The following SNRPG variants were observed in gnomAD, a reference collection of about 807,000 sequenced individuals.
SNRPG encodes small nuclear ribonucleoprotein G.
A neutral mutation model predicts 13.9 loss-of-function variants in SNRPG; 3 were observed. That is an observed-to-expected ratio of 0.22 (90% CI 0.10 to 0.56). SNRPG has a LOEUF of 0.56. Ranked by LOEUF, SNRPG falls within the 20% of genes least tolerant of loss-of-function variation. SNRPG has a pLI of 0.93. For synonymous variants in SNRPG, 29 were observed against 29.3 expected, an observed-to-expected ratio of 0.99 and a Z score of 0.03; for missense variants, 34 against 96.1, an observed-to-expected ratio of 0.35 and a Z score of 2.70.
rs762516246 is a variant in SNRPG, at chr2:70,281,602, G to C, written c.*32C>G. ...TAGTAAAACAGGCCCTATGGAGAGA[G>C]GACATGGGTTTCTCTGCTGAACAGC... On this transcript the variant is annotated 3_prime_UTR_variant, in exon 4 of 4. Transcript: ENST00000272348. The C allele has an allele frequency of 5.2e-6, 7 of 1,352,346 alleles. No individual in the cohort carries two copies. In the South Asian group the frequency reaches 6.2e-5, roughly 12 times the overall value. The allele number at this position is 1,352,346 out of a possible 1,614,324, so 83.8% of individuals were successfully genotyped here.
chr2:70,282,507 A>C (rs1696817992), intron 3 of SNRPG, among the ~76,000 whole-genome samples: 1 of 152,224 alleles, frequency 6.6e-6, no homozygotes, highest in Admixed American at 6.5e-5. Flanking sequence ...GAAGTAATCT[A>C]ATTTGAATGC....
intron 3 of SNRPG, among the ~76,000 whole-genome samples, chr2:70,283,234 A>T (rs943665757): frequency 2.0e-5 from 3 of 151,994 alleles, no homozygotes; most frequent in African/African-American, 7.2e-5. Context: ...CTGGAAGGCT[A>T]GGGGACTAAA....
At chr2:70,287,687 GTTAA>G (rs1559043895) in intron 3 of SNRPG, 3 of 390,760 alleles carry the variant, frequency 7.7e-6, no homozygotes, top group Admixed American at 4.3e-5. Flanking sequence ...CAAAACCTTA[GTTAA>G]GTTCTGCCCC....
chr2:70,289,797 C>T (rs1697034687), intron 1 of SNRPG, among the ~76,000 whole-genome samples: 1 of 151,754 alleles, frequency 6.6e-6, no homozygotes, highest in Non-Finnish European at 1.5e-5. Flanking sequence ...GGCAATAGAG[C>T]GAAACTGTCT....
intron 1 of SNRPG, among the ~76,000 whole-genome samples, chr2:70,290,862 T>A (rs1363057037): frequency 5.3e-4 from 52 of 97,202 alleles, no homozygotes; most frequent in African/African-American, 2.0e-3. Context: ...AAAAAAAAAA[T>A]TAGTCGGGTG....
At chr2:70,286,432 C>T (rs1418380933) in intron 3 of SNRPG, among the ~76,000 whole-genome samples, 1 of 151,996 alleles carries the variant, frequency 6.6e-6, no homozygotes, top group Non-Finnish European at 1.5e-5. Context: ...TTTAAAATGT[C>T]TTTTATTAAA....
At chr2:70,293,471 G>A in intron 1 of SNRPG, 147 bp downstream of exon 1, 1 of 792,644 alleles carries the variant, frequency 1.3e-6, no homozygotes, top group Non-Finnish European at 2.3e-6. Context: ...CTCATGCGCG[G>A]GAGCCTGGCC....
At chr2:70,291,011 C>CG (rs1697076463) in intron 1 of SNRPG, among the ~76,000 whole-genome samples, 3 of 77,022 alleles carry the variant, frequency 3.9e-5, no homozygotes, top group African/African-American at 9.8e-5. Context: ...AACTCCATCT[C>CG]AAAACACACA....
chr2:70,290,901 C>G (rs942961143), intron 1 of SNRPG, among the ~76,000 whole-genome samples: 4 of 136,474 alleles, frequency 2.9e-5, no homozygotes, highest in Non-Finnish European at 6.1e-5. Context: ...ATCCCAGCTA[C>G]TCGGGAGGCT....
chr2:70,283,908 A>T (rs1460444397), intron 3 of SNRPG, among the ~76,000 whole-genome samples: 1 of 152,182 alleles, frequency 6.6e-6, no homozygotes, highest in Non-Finnish European at 1.5e-5. Flanking sequence ...AAATACAAAA[A>T]TTAGCTGAGG....
intron 1 of SNRPG, among the ~76,000 whole-genome samples, chr2:70,290,150 T>C (rs147278225): frequency 9.4e-4 from 143 of 152,126 alleles, no homozygotes; most frequent in African/African-American, 2.6e-3. Flanking sequence ...TCTGGTCTCA[T>C]TGACCTAATT....
chr2:70,293,539 C>G (rs906515942), intron 1 of SNRPG, 79 bp downstream of exon 1: 60 of 1,198,008 alleles, frequency 5.0e-5, no homozygotes, highest in Non-Finnish European at 6.9e-5. Context: ...TCAAGACATT[C>G]GGCTAACGGA....
chr2:70,286,270 A>G (rs981686955), intron 3 of SNRPG, among the ~76,000 whole-genome samples: 1 of 152,138 alleles, frequency 6.6e-6, no homozygotes, highest in Admixed American at 6.6e-5. Context: ...AGTAATTTCA[A>G]TGGCCTCAAT....
In SNRPG at chr2:70,290,823, TAAAAAAAAAAAAAAAAAAAAAAAA is replaced by T. The variant is rs57720967; in HGVS notation, c.33-1475_33-1452del. Among the ~76,000 whole-genome samples the T allele has an allele frequency of 1.4e-3, 35 of 25,290 alleles. 1 individual carries two copies. The East Asian group carries it at 0.049, about 35-fold the overall frequency. 16.6% of individuals were successfully genotyped at this position (25,290 alleles called of 152,430 possible). ...CAACATGGAGAAAACCCGTCTCTACTAAAAAAAAAAAAAAAAAAAAAAAAAAAAAAAAAAAAAATTAGTCGGGTG... is the reference window on the plus strand; with the variant it reads ...CAACATGGAGAAAACCCGTCTCTACTAAAAAAAAAAAAAATTAGTCGGGTG... On this transcript the variant is annotated intron_variant, in intron 1 of 3. Transcript: ENST00000272348.
intron 1 of SNRPG, among the ~76,000 whole-genome samples, chr2:70,291,757 C>A (rs1246218717): frequency 2.6e-5 from 4 of 151,740 alleles, no homozygotes; most frequent in African/African-American, 9.7e-5. Flanking sequence ...GCTTCCTTCT[C>A]TGAAATTTTC....
intron 3 of SNRPG, among the ~76,000 whole-genome samples, chr2:70,285,706 G>A (rs936304546): frequency 1.3e-5 from 2 of 152,122 alleles, no homozygotes; most frequent in African/African-American, 4.8e-5. Flanking sequence ...TGTGTTTGAG[G>A]CCTAATTCTC....
At chr2:70,292,920 C>A in intron 1 of SNRPG, 1 of 559,538 alleles carries the variant, frequency 1.8e-6, no homozygotes. Context: ...TGAGTCCTAC[C>A]TAAAGTAAGG....
intron 3 of SNRPG, chr2:70,287,777 C>T (rs1696979552): frequency 2.2e-6 from 1 of 453,096 alleles, no homozygotes; most frequent in Non-Finnish European, 4.0e-6. Context: ...TTCAGAACTA[C>T]TGCTCTAATG....
At chr2:70,292,171 C>T (rs552964922) in intron 1 of SNRPG, among the ~76,000 whole-genome samples, 3 of 152,252 alleles carry the variant, frequency 2.0e-5, no homozygotes, top group African/African-American at 7.2e-5. Context: ...TGATCTCCAT[C>T]TCCTGACCTC....
Sources: allele counts gnomAD v4.1 joint callset (sites outside exome capture counted in the v4.1 genomes callset), GRCh38; gene constraint gnomAD v4.1.1; transcripts MANE v1.5; gene names NCBI Gene and HGNC (gene_info 2026-07-23, HGNC 2026-07-21).